Variants in PCMTD1 observed in about 807,000 individuals in gnomAD.
PCMTD1 encodes protein-L-isoaspartate O-methyltransferase domain-containing protein 1.
PCMTD1 carries 12 observed loss-of-function variants against 37.6 expected under a neutral mutation model. The observed-to-expected ratio is 0.32, with a 90% CI of 0.20 to 0.52. The LOEUF (loss-of-function observed/expected upper bound fraction) is 0.52. Ranked by LOEUF, PCMTD1 falls within the 20% of genes least tolerant of loss-of-function variation. The probability of loss-of-function intolerance (pLI) is 0.97; values close to 1 mark genes in which losing one functional copy is unlikely to be tolerated. For synonymous variants in PCMTD1, 117 were observed against 135.8 expected (o/e 0.86, Z 0.96); for missense variants, 235 against 421.3 (o/e 0.56, Z 3.87).
At chr8:51,895,575 T>C (rs916037193) in intron 1 of PCMTD1, among the ~76,000 whole-genome samples, 3 of 152,198 alleles carry the variant, frequency 2.0e-5, no homozygotes, top group African/African-American at 7.2e-5. Context: ...AACTGGAAAA[T>C]ATGCTATGTC....
intron 2 of PCMTD1, among the ~76,000 whole-genome samples, chr8:51,847,353 G>A (rs972292093): frequency 6.6e-6 from 1 of 152,232 alleles, no homozygotes; most frequent in Non-Finnish European, 1.5e-5. Context: ...CAGGCAGGAT[G>A]TGGTAGCTCA....
chr8:51,829,571 T>TTTCACAACC, intron 5 of PCMTD1, among the ~76,000 whole-genome samples: 1 of 152,196 alleles, frequency 6.6e-6, no homozygotes, highest in African/African-American at 2.4e-5. Flanking sequence ...GGTGGTTGGG[T>TTTCACAACC]CTGCCTAATG....
rs528474299 is a variant in PCMTD1, at chr8:51,849,258, A to C, written c.308-3495T>G. On this transcript the variant is annotated intron_variant, in intron 2 of 5. Transcript: ENST00000522514. ...AACAATGGGCTACTGAAAGATTAAA[A>C]AAAACATAAATGTTCAAATAAATAA... 4.6e-5 allele frequency: 7 copies of C among 152,318 alleles called. No homozygotes were observed. In the South Asian group the frequency reaches 1.2e-3, roughly 27 times the overall value. 9.4% of individuals were successfully genotyped at this position (152,318 alleles called of 1,614,324 possible). A position where few individuals can be genotyped will look rare whatever the true frequency, so the allele number is the denominator to read the frequency against.
chr8:51,896,606 T>C (rs1272693258), intron 1 of PCMTD1, among the ~76,000 whole-genome samples: 1 of 152,166 alleles, frequency 6.6e-6, no homozygotes, highest in Admixed American at 6.5e-5. Context: ...CAAATCCCCA[T>C]CTTCTTGGTT....
chr8:51,875,124 C>T (rs1265545395), intron 1 of PCMTD1, among the ~76,000 whole-genome samples: 1 of 152,162 alleles, frequency 6.6e-6, no homozygotes, highest in Non-Finnish European at 1.5e-5. Flanking sequence ...AAACATAATG[C>T]TTCTTTTAAA....
chr8:51,878,237 G>GAT (rs2038740398), intron 1 of PCMTD1, among the ~76,000 whole-genome samples: 2 of 111,006 alleles, frequency 1.8e-5, no homozygotes, highest in South Asian at 6.6e-4. Context: ...AATATTATGA[G>GAT]ATTTTTTTTT....
chr8:51,866,185 C>T (rs1055460205), intron 1 of PCMTD1, among the ~76,000 whole-genome samples: 4 of 151,492 alleles, frequency 2.6e-5, no homozygotes, highest in African/African-American at 9.7e-5. Context: ...AAAGGTATTC[C>T]ATATTCATGG....
rs543109489 is a variant in PCMTD1 at position 51,837,027 on chromosome 8, C to T, written c.411-3338G>A. ...ACTCTTACCTCTAATGAATAATCAACTCTCCTATAACTAAATGACAGGTTT... is the reference window on the plus strand; with the variant it reads ...ACTCTTACCTCTAATGAATAATCAATTCTCCTATAACTAAATGACAGGTTT... On this transcript the variant is annotated intron_variant, in intron 3 of 5. Coordinates refer to ENST00000522514, the MANE Select transcript of PCMTD1 (RefSeq NM_052937.4). Among the ~76,000 whole-genome samples the T allele has an allele frequency of 2.0e-5, 3 of 152,328 alleles. No homozygotes were observed. The South Asian group carries it at 6.2e-4, about 32-fold the overall frequency.
rs907647600 is a variant in PCMTD1, at chr8:51,820,025, A to G, written c.*326T>C. ...AACAATTATTTAAACCATATATAAA[A>G]TTAAATCTAAACCTCATCACTACAA... is the stretch of plus-strand genomic sequence containing the variant. On this transcript the variant is annotated 3_prime_UTR_variant, in exon 6 of 6. Transcript: ENST00000522514. 5.4e-5 allele frequency: 9 copies of G among 167,012 alleles called. No individual in the cohort carries two copies. The highest frequency in any genetic ancestry group is 1.0e-4 in the Non-Finnish European group (8 of 78,206). The allele number at this position is 167,012 out of a possible 1,614,324, so 10.3% of individuals were successfully genotyped here.
intron 1 of PCMTD1, among the ~76,000 whole-genome samples, chr8:51,865,163 G>C (rs1363793920): frequency 6.6e-6 from 1 of 152,066 alleles, no homozygotes; most frequent in East Asian, 1.9e-4. Context: ...CCAATAACAA[G>C]CAAGAAGACT....
intron 1 of PCMTD1, among the ~76,000 whole-genome samples, chr8:51,883,364 T>C (rs1394787078): frequency 1.3e-5 from 2 of 152,202 alleles, no homozygotes; most frequent in Non-Finnish European, 2.9e-5. Context: ...AAAGAGTTGA[T>C]ACTTCAGTGT....
chr8:51,856,662 C>G (rs2038394737), intron 2 of PCMTD1, among the ~76,000 whole-genome samples: 1 of 152,190 alleles, frequency 6.6e-6, no homozygotes, highest in South Asian at 2.1e-4. Flanking sequence ...AATGAAACAG[C>G]ATTCAGCCAT....
intron 2 of PCMTD1, among the ~76,000 whole-genome samples, chr8:51,859,047 T>C (rs2038433309): frequency 6.6e-6 from 1 of 152,176 alleles, no homozygotes; most frequent in Admixed American, 6.5e-5. Context: ...TAGCAAATTA[T>C]GATGCATACC....
chr8:51,839,954 A>C (rs2038120529), intron 3 of PCMTD1, among the ~76,000 whole-genome samples: 1 of 152,234 alleles, frequency 6.6e-6, no homozygotes, highest in African/African-American at 2.4e-5. Flanking sequence ...ATTGTGAAGA[A>C]AACCAAGGGA....
chr8:51,892,740 C>T (rs1459163971), intron 1 of PCMTD1, among the ~76,000 whole-genome samples: 1 of 151,784 alleles, frequency 6.6e-6, no homozygotes, highest in African/African-American at 2.4e-5. Context: ...TCTTTATCTC[C>T]TCATAGAGAT....
chr8:51,821,652 C>CA (rs1369803540), intron 5 of PCMTD1, among the ~76,000 whole-genome samples: 2 of 149,124 alleles, frequency 1.3e-5, no homozygotes, highest in Admixed American at 6.6e-5. Flanking sequence ...AGTTGCTAAA[C>CA]AAAAATCAAT....
intron 1 of PCMTD1, among the ~76,000 whole-genome samples, chr8:51,864,478 A>C (rs1464352765): frequency 1.3e-5 from 2 of 152,214 alleles, no homozygotes; most frequent in African/African-American, 2.4e-5. Context: ...TGTCTACAAA[A>C]TAAGTCTCTA....
At chr8:51,889,980 T>C (rs1358096239) in intron 1 of PCMTD1, among the ~76,000 whole-genome samples, 1 of 96,254 alleles carries the variant, frequency 1.0e-5, no homozygotes, top group African/African-American at 4.1e-5. Context: ...TAAACAGTGA[T>C]AACTGAACAA....
chr8:51,886,204 CCT>C (rs2038862548), intron 1 of PCMTD1, among the ~76,000 whole-genome samples: 1 of 152,162 alleles, frequency 6.6e-6, no homozygotes, highest in East Asian at 1.9e-4. Context: ...TTTCCTTTCC[CCT>C]GTTCGACTTA....
Sources: allele counts gnomAD v4.1 joint callset (sites outside exome capture counted in the v4.1 genomes callset), GRCh38; gene constraint gnomAD v4.1.1; transcripts MANE v1.5; gene names NCBI Gene and HGNC (gene_info 2026-07-23, HGNC 2026-07-21).